Variants in PIWIL2 observed in about 807,000 individuals in gnomAD.
The protein encoded by PIWIL2 is piwi like RNA-mediated gene silencing 2, also known as piwi-like protein 2.
In PIWIL2, 81 loss-of-function variants were observed where a neutral mutation model predicts 116.5. The observed-to-expected ratio is 0.70, with a 90% CI of 0.58 to 0.84. PIWIL2 has a LOEUF of 0.84. Ranked by LOEUF, PIWIL2 falls within the 40% of genes least tolerant of loss-of-function variation. The pLI is 0.00. For synonymous variants in PIWIL2, 489 were observed against 429.5 expected (o/e 1.14, Z -1.71); for missense variants, 1,272 against 1,212.3 (o/e 1.05, Z -0.73).
At chr8:22,308,888 T>C (rs1322314948) in intron 14 of PIWIL2, among the ~76,000 whole-genome samples, 1 of 152,084 alleles carries the variant, frequency 6.6e-6, no homozygotes, top group African/African-American at 2.4e-5. Flanking sequence ...TGACCTCAAA[T>C]GATCCGCCTA....
Position 22,288,537 on chromosome 8 carries a change from G to A in PIWIL2, c.862-5G>A. 6.2e-7 allele frequency: 1 copy of A among 1,610,282 alleles called. No individual in the cohort carries two copies. The highest frequency in any genetic ancestry group is 8.5e-7 in the Non-Finnish European group (1 of 1,177,416). On this transcript the variant is annotated splice_region_variant and splice_polypyrimidine_tract_variant and intron_variant, in intron 7 of 22. Coordinates refer to ENST00000356766, the MANE Select transcript of PIWIL2 (RefSeq NM_018068.5). ...TTGTTTCACCTGTGTGTATTTATTTGTTAGGTTCTTGAGTTAAAAAGTCAA... is the reference window on the plus strand; with the variant it reads ...TTGTTTCACCTGTGTGTATTTATTTATTAGGTTCTTGAGTTAAAAAGTCAA...
intron 20 of PIWIL2, among the ~76,000 whole-genome samples, chr8:22,337,570 TA>T (rs558416855): frequency 0.054 from 7,511 of 139,730 alleles, 275 homozygotes; most frequent in Admixed American, 0.092. Context: ...TCTACTAAAT[TA>T]AAAAAAAAAA....
At chr8:22,282,020 AC>A (rs969703382) in intron 4 of PIWIL2, among the ~76,000 whole-genome samples, 1 of 136,714 alleles carries the variant, frequency 7.3e-6, no homozygotes, top group Non-Finnish European at 1.6e-5. Context: ...CAGTCCACCC[AC>A]CTCGGCCTCC....
intron 20 of PIWIL2, chr8:22,321,831 A>G: frequency 1.0e-6 from 1 of 982,248 alleles, no homozygotes; most frequent in South Asian, 4.7e-5. Context: ...CATTTTTATT[A>G]ATATCTTCCC....
chr8:22,330,382 T>G (rs1474377293), intron 20 of PIWIL2, among the ~76,000 whole-genome samples: 2 of 152,160 alleles, frequency 1.3e-5, no homozygotes, highest in Non-Finnish European at 2.9e-5. Flanking sequence ...ATGGTTTCCT[T>G]TAGTTCTTTG....
chr8:22,304,671 A>G, intron 11 of PIWIL2, 113 bp from the exon 12 acceptor site: 2 of 605,600 alleles, frequency 3.3e-6, no homozygotes, highest in Non-Finnish European at 3.0e-6. Context: ...GCTCCTTGAC[A>G]AGAGTATTAT....
At chr8:22,328,092 C>T (rs1034027498) in intron 20 of PIWIL2, among the ~76,000 whole-genome samples, 1 of 151,868 alleles carries the variant, frequency 6.6e-6, no homozygotes, top group African/African-American at 2.4e-5. Context: ...TTAACTCTTA[C>T]ATATAAGTCA....
At chr8:22,325,664 A>G (rs1389300863) in intron 20 of PIWIL2, among the ~76,000 whole-genome samples, 1 of 151,724 alleles carries the variant, frequency 6.6e-6, no homozygotes, top group Non-Finnish European at 1.5e-5. Flanking sequence ...TTGTATTTTT[A>G]GTAGAGATGG....
intron 10 of PIWIL2, among the ~76,000 whole-genome samples, chr8:22,294,899 GGAAAAAA>G (rs1272280656): frequency 2.1e-4 from 17 of 79,416 alleles, no homozygotes; most frequent in African/African-American, 7.6e-4. Context: ...CATCTTTACT[GGAAAAAA>G]AAAAAAAAAA....
chr8:22,337,779 A>G (rs1832014209), intron 20 of PIWIL2, among the ~76,000 whole-genome samples: 1 of 151,958 alleles, frequency 6.6e-6, no homozygotes, highest in South Asian at 2.1e-4. Flanking sequence ...CATACTGGAA[A>G]TGACAGAGCA....
In PIWIL2 at chr8:22,296,020, C is replaced by CTTTTTT. The variant is rs67357452; in HGVS notation, c.1181+5707_1181+5712dup. Among the ~76,000 whole-genome samples, 76 of 102,834 alleles carry CTTTTTT rather than the reference C, an allele frequency of 7.4e-4. 1 individual carries two copies. The highest frequency in any genetic ancestry group is 1.1e-3 in the Non-Finnish European group (55 of 49,148). The allele number at this position is 102,834 out of a possible 152,430, so 67.5% of individuals were successfully genotyped here. A position where few individuals can be genotyped will look rare whatever the true frequency, so the allele number is the denominator to read the frequency against. ...ACTGTCTTGGGGTTCCTCTTCCCTT[C>CTTTTTT]TTTTTTTTTTTTTTTTTTTTTTTTT... On this transcript the variant is annotated intron_variant, in intron 10 of 22. Coordinates refer to ENST00000356766, the MANE Select transcript of PIWIL2 (RefSeq NM_018068.5).
chr8:22,282,804 G>A (rs1045896129), intron 4 of PIWIL2, among the ~76,000 whole-genome samples: 6 of 152,012 alleles, frequency 3.9e-5, no homozygotes, highest in Non-Finnish European at 7.4e-5. Context: ...TGTTTAGGCT[G>A]GTCTTGAACT....
chr8:22,286,484 G>A (rs1175794980), intron 6 of PIWIL2, among the ~76,000 whole-genome samples: 5 of 152,166 alleles, frequency 3.3e-5, no homozygotes, highest in African/African-American at 1.2e-4. Context: ...ACAGCAAAGA[G>A]GTGAGCATTA....
intron 20 of PIWIL2, among the ~76,000 whole-genome samples, chr8:22,332,705 A>G (rs1209706293): frequency 2.6e-5 from 4 of 152,262 alleles, no homozygotes; most frequent in Admixed American, 6.5e-5. Context: ...ACTAAAAGAA[A>G]GTAACTGCCA....
At chr8:22,280,067 A>G (rs1395954887) in intron 2 of PIWIL2, among the ~76,000 whole-genome samples, 1 of 152,076 alleles carries the variant, frequency 6.6e-6, no homozygotes, top group Non-Finnish European at 1.5e-5. Flanking sequence ...TCAAATCTAG[A>G]GTTTCTAGAG....
intron 20 of PIWIL2, among the ~76,000 whole-genome samples, chr8:22,324,202 T>G (rs1007299858): frequency 2.6e-5 from 4 of 152,160 alleles, no homozygotes; most frequent in African/African-American, 9.7e-5. Flanking sequence ...GTGAAGGTTG[T>G]AGTGTGCCAA....
In PIWIL2 at chr8:22,288,298, CA is replaced by C. The variant is rs5890028; in HGVS notation, c.862-224del. Among the ~76,000 whole-genome samples the C allele has an allele frequency of 8.3e-3, 853 of 102,212 alleles. 4 individuals carry two copies. Among genetic ancestry groups the C allele is most frequent in the African/African-American group, 0.033 (771 of 23,628 alleles). The allele number at this position is 102,212 out of a possible 152,430, so 67.1% of individuals were successfully genotyped here. ...GGGTGACAGAGCGAGACTCTGTCTCCAAAAAAAAAAAAAAAAAAAATTGCAA... is the reference window on the plus strand; with the variant it reads ...GGGTGACAGAGCGAGACTCTGTCTCCAAAAAAAAAAAAAAAAAAATTGCAA... On this transcript the variant is annotated intron_variant, in intron 7 of 22. Coordinates refer to ENST00000356766, the MANE Select transcript of PIWIL2 (RefSeq NM_018068.5).
intron 19 of PIWIL2, among the ~76,000 whole-genome samples, chr8:22,317,871 C>T (rs1831501074): frequency 6.6e-6 from 1 of 152,022 alleles, no homozygotes; most frequent in South Asian, 2.1e-4. Context: ...CCGTGTTAGC[C>T]AGGATGGTCT....
chr8:22,353,400 A>G (rs1385129641), intron 21 of PIWIL2, among the ~76,000 whole-genome samples, 188 bp downstream of exon 21: 2 of 152,082 alleles, frequency 1.3e-5, no homozygotes, highest in South Asian at 2.1e-4. Context: ...TGTAATCCCA[A>G]CGCTTTGGGA....
Sources: gnomAD v4.1 joint callset for allele counts (sites outside exome capture counted in the v4.1 genomes callset) on GRCh38, gnomAD v4.1.1 for gene constraint, MANE v1.5 for transcripts, NCBI Gene and HGNC (gene_info 2026-07-23, HGNC 2026-07-21) for gene names.